The following RBM19 variants were observed in gnomAD, a reference collection of about 807,000 sequenced individuals.
The protein encoded by RBM19 is RNA binding motif protein 19.
RBM19 carries 94 observed loss-of-function variants against 116.8 expected under a neutral mutation model. That is an observed-to-expected ratio of 0.80 (90% confidence interval 0.68 to 0.95). The LOEUF (loss-of-function observed/expected upper bound fraction) is 0.95, where lower values mean the gene tolerates loss of function less well. RBM19 is among the 40% of genes least tolerant of loss of function. The pLI, the probability that RBM19 is intolerant of heterozygous loss-of-function variation, is 0.00. For missense variants in RBM19, 1,161 were observed against 1,220.7 expected (o/e 0.95, Z 0.73); for synonymous variants, 475 against 494.1 (o/e 0.96, Z 0.51).
intron 16 of RBM19, among the ~76,000 whole-genome samples, chr12:113,928,625 A>AGGTGTGTGTG (rs1555242500): frequency 8.3e-6 from 1 of 120,334 alleles, no homozygotes. Flanking sequence ...TTAGCAAGGG[A>AGGTGTGTGTG]TGTGTGTGTG....
At chr12:113,890,607 A>C (rs1375540877) in intron 21 of RBM19, among the ~76,000 whole-genome samples, 1 of 152,162 alleles carries the variant, frequency 6.6e-6, no homozygotes, top group Non-Finnish European at 1.5e-5. Flanking sequence ...TGGCAGAGAG[A>C]AGCTCTGGCC....
chr12:113,948,801 G>A (rs1423152085), intron 10 of RBM19, 32 bp downstream of exon 10: 1 of 1,610,382 alleles, frequency 6.2e-7, no homozygotes, highest in African/African-American at 1.3e-5. Context: ...ATAGCCGCTG[G>A]GCTATCCACG....
intron 23 of RBM19, among the ~76,000 whole-genome samples, chr12:113,830,590 T>TG (rs1555228714): frequency 1.0e-3 from 18 of 17,392 alleles, no homozygotes; most frequent in African/African-American, 3.1e-3. Context: ...GGGGGGGGGG[T>TG]GGGCTATGCC....
chr12:113,924,803 T>C (rs772218054), intron 17 of RBM19, 46 bp from the exon 18 acceptor site: 7 of 1,490,632 alleles, frequency 4.7e-6, no homozygotes, highest in Non-Finnish European at 5.6e-6. Flanking sequence ...TAAACCACTA[T>C]GCAGGCAAGG....
At chr12:113,940,207 G>T (rs369073086) in intron 14 of RBM19, 47 bp from the exon 15 acceptor site, 217 of 1,561,650 alleles carry the variant, frequency 1.4e-4, no homozygotes, top group Non-Finnish European at 1.8e-4. Flanking sequence ...AGGGAGGAGG[G>T]TCCCCAGCTG....
Position 113,942,350 on chromosome 12 carries a change from C to G in RBM19, c.1711G>C (p.Gly571Arg), listed in dbSNP as rs779479933. 2.4e-5 allele frequency: 38 copies of G among 1,607,900 alleles called. No individual in the cohort carries two copies. Among genetic ancestry groups the G allele is most frequent in the Admixed American group, 1.5e-4 (9 of 59,990 alleles). Residue 571 changes from glycine (G) to arginine (R), a missense_variant, in exon 14 of 24, where the codon GGG becomes CGG. Transcript: ENST00000261741. ...TGGCTGAAGGAATCCAGGCTGACCC[C>G]GTTGTCTATGAGAAAACGCCGCACT... The part of the protein sequence containing the change: ...QEVRRFLIDN[G>R]VSLDSFSQAA...
intron 16 of RBM19, among the ~76,000 whole-genome samples, chr12:113,933,111 G>C (rs889782108): frequency 6.6e-6 from 1 of 151,894 alleles, no homozygotes; most frequent in Admixed American, 6.6e-5. Context: ...GTTGTGGGGA[G>C]ATAAAACACG....
intron 23 of RBM19, among the ~76,000 whole-genome samples, chr12:113,839,749 C>T (rs1477295445): frequency 6.6e-6 from 1 of 152,178 alleles, no homozygotes; most frequent in Non-Finnish European, 1.5e-5. Context: ...AGAAGGGGTA[C>T]CCCTGTTAAC....
chr12:113,842,110 C>T (rs1876539017), intron 23 of RBM19, among the ~76,000 whole-genome samples: 1 of 152,208 alleles, frequency 6.6e-6, no homozygotes, highest in Admixed American at 6.5e-5. Context: ...CCTGTCTGGG[C>T]CTTGGCCTGG....
At chr12:113,900,151 GAAA>G (rs1881596612) in intron 21 of RBM19, among the ~76,000 whole-genome samples, 2 of 152,204 alleles carry the variant, frequency 1.3e-5, no homozygotes, top group Admixed American at 1.3e-4. Flanking sequence ...CCGAGCCTGC[GAAA>G]TCTCAAAGGA....
chr12:113,887,527 C>T (rs1298951079), intron 21 of RBM19, among the ~76,000 whole-genome samples: 1 of 122,984 alleles, frequency 8.1e-6, no homozygotes, highest in Admixed American at 8.7e-5. Flanking sequence ...GTCGCAGCTA[C>T]TCGGGAGGCT....
At chr12:113,840,637 G>A (rs369487526) in intron 23 of RBM19, among the ~76,000 whole-genome samples, 14 of 152,334 alleles carry the variant, frequency 9.2e-5, no homozygotes, top group Admixed American at 2.0e-4. Context: ...GGCCGTGGCC[G>A]GAGAGCAGAC....
At position 113,878,142 on chromosome 12, in the gene RBM19, G is replaced by A. The variant is rs73397011; in HGVS notation, c.2559-19246C>T. On this transcript the variant is annotated intron_variant, in intron 21 of 23. Transcript: ENST00000261741. ...CTCTCTGGCCCTTTACAGAAACATC[G>A]ACGACCCTTGTTCTCAACTCATCTC... Among the ~76,000 whole-genome samples, 836 of 151,982 alleles carry A rather than the reference G, an allele frequency of 5.5e-3. 10 individuals are homozygous for A. Among genetic ancestry groups the A allele is most frequent in the African/African-American group, 0.019 (768 of 41,438 alleles).
chr12:113,887,234 C>T (rs1433264636), intron 21 of RBM19, among the ~76,000 whole-genome samples: 6 of 152,184 alleles, frequency 3.9e-5, no homozygotes, highest in African/African-American at 1.4e-4. Context: ...AAAGCTAAAA[C>T]TCTTCACTGT....
chr12:113,939,962 T>G lies in RBM19; in HGVS notation c.1936A>C (p.Lys646Gln). Residue 646 changes from lysine (K) to glutamine (Q), a missense_variant and splice_region_variant, in exon 15 of 24, where the codon AAG becomes CAG. Coordinates refer to ENST00000261741, the MANE Select transcript of RBM19 (RefSeq NM_016196.4). ...RKAFRHLAYS[K>Q]FHHVPLYLEW... ...TTCTGGGTCTCCAGCAGCCCTACCTTGGAATAGGCCAGATGCCTGAAGGCC... is the reference window on the plus strand; with the variant it reads ...TTCTGGGTCTCCAGCAGCCCTACCTGGGAATAGGCCAGATGCCTGAAGGCC... 6.2e-7 allele frequency: 1 copy of G among 1,613,786 alleles called. No individual in the cohort carries two copies. Among genetic ancestry groups the G allele is most frequent in the East Asian group, 2.2e-5 (1 of 44,852 alleles).
chr12:113,939,886 C>T, intron 15 of RBM19, 74 bp downstream of exon 15: 4 of 1,497,986 alleles, frequency 2.7e-6, no homozygotes, highest in Non-Finnish European at 3.7e-6. Context: ...ATCCATAGCC[C>T]ACTGCACCCT....
downstream of RBM19, among the ~76,000 whole-genome samples, chr12:113,821,565 GC>G (rs1199435592): frequency 6.6e-6 from 1 of 152,116 alleles, no homozygotes; most frequent in Non-Finnish European, 1.5e-5. Context: ...ACACTGTTCA[GC>G]CCCCACATCC....
chr12:113,946,186 G>A (rs1180999498), intron 12 of RBM19, among the ~76,000 whole-genome samples, 168 bp downstream of exon 12: 4 of 152,180 alleles, frequency 2.6e-5, no homozygotes, highest in Admixed American at 1.3e-4. Flanking sequence ...CACCATAAAA[G>A]TAAGGCACTA....
intron 14 of RBM19, among the ~76,000 whole-genome samples, chr12:113,941,282 G>T (rs1407823410): frequency 2.0e-5 from 3 of 151,528 alleles, no homozygotes; most frequent in African/African-American, 4.9e-5. Flanking sequence ...CCTTTTAGGT[G>T]CAACTCAGGC....
Sources: allele counts gnomAD v4.1 joint callset (sites outside exome capture counted in the v4.1 genomes callset), GRCh38; gene constraint gnomAD v4.1.1; transcripts MANE v1.5; gene names NCBI Gene and HGNC (gene_info 2026-07-23, HGNC 2026-07-21).